ANO3: variants seen among roughly 807,000 people sequenced by gnomAD.
The protein encoded by ANO3 is anoctamin-3.
Under a neutral mutation model 144.8 loss-of-function variants are expected in ANO3, and 99 were observed. The ratio of observed to expected loss-of-function variants is 0.68; its 90% confidence interval spans 0.58 to 0.81. The LOEUF (loss-of-function observed/expected upper bound fraction) is 0.81. Ranked by LOEUF, ANO3 falls within the 30% of genes least tolerant of loss-of-function variation. ANO3 has a pLI of 0.00. For synonymous variants in ANO3, 414 were observed against 392.6 expected (o/e 1.05, Z -0.64); for missense variants, 905 against 1,202.2 (o/e 0.75, Z 3.66).
At chr11:26,654,142 A>G (rs940531165) in intron 24 of ANO3, among the ~76,000 whole-genome samples, 1 of 152,178 alleles carries the variant, frequency 6.6e-6, no homozygotes, top group Non-Finnish European at 1.5e-5. Flanking sequence ...TTGCTAATAT[A>G]GATTCTTTAC....
Position 26,531,234 on chromosome 11 carries a change from A to C in ANO3, c.767A>C (p.Asn256Thr), listed in dbSNP as rs774950939. Reference protein sequence around the residue: ...RMQTYFRRIKNWMAQNPMVLD... With the variant: ...RMQTYFRRIKTWMAQNPMVLD... ...CAAACTTATTTTAGAAGAATCAAAA[A>C]CTGGATGGCCCAAAACCCAATGGTT... is the stretch of plus-strand genomic sequence containing the variant. The change falls in exon 8 of 27, where the codon AAC (asparagine) becomes ACC (threonine). Residue 256 changes from asparagine (N) to threonine (T), a missense_variant. This residue lies in a region of ANO3 where 71 missense variants were observed against 57.9 expected (regional missense o/e 1.23). Transcript: ENST00000256737. The C allele has an allele frequency of 6.2e-7, 1 of 1,614,054 alleles. No individual in the cohort carries two copies. The highest frequency in any genetic ancestry group is 1.7e-5 in the Admixed American group (1 of 59,988).
chr11:26,277,873 C>A (rs1391833235), intron 1 of ANO3, among the ~76,000 whole-genome samples: 1 of 151,908 alleles, frequency 6.6e-6, no homozygotes, highest in Admixed American at 6.6e-5. Flanking sequence ...AAAAAATACC[C>A]AGTAAAGATA....
At chr11:26,653,976 A>G (rs1423747791) in intron 24 of ANO3, among the ~76,000 whole-genome samples, 1 of 152,126 alleles carries the variant, frequency 6.6e-6, no homozygotes, top group Non-Finnish European at 1.5e-5. Flanking sequence ...AATCAGGTGA[A>G]TGTGTATTTG....
At chr11:26,248,188 A>G (rs1190363105) in intron 1 of ANO3, among the ~76,000 whole-genome samples, 2 of 152,010 alleles carry the variant, frequency 1.3e-5, no homozygotes, top group Non-Finnish European at 1.5e-5. Context: ...AAATACAAAA[A>G]TTAACCAGGT....
At chr11:26,407,076 G>GTATATATATA (rs374806519) in intron 1 of ANO3, among the ~76,000 whole-genome samples, 2 of 101,484 alleles carry the variant, frequency 2.0e-5, no homozygotes, top group African/African-American at 6.4e-5. Flanking sequence ...GTGTGTGTGT[G>GTATATATATA]TATATATATA....
chr11:26,554,126 G>C (rs1850017591), intron 13 of ANO3, among the ~76,000 whole-genome samples: 1 of 151,992 alleles, frequency 6.6e-6, no homozygotes, highest in East Asian at 1.9e-4. Context: ...GCAGCCACCT[G>C]CTTTGTGTCA....
chr11:26,306,047 C>A (rs1854373185), upstream of ANO3, among the ~76,000 whole-genome samples: 2 of 152,092 alleles, frequency 1.3e-5, no homozygotes, highest in Admixed American at 1.3e-4. Flanking sequence ...CAAGCTCCGC[C>A]TCCCAGGTTC....
chr11:26,535,236 G>A (rs969753841), intron 9 of ANO3, among the ~76,000 whole-genome samples: 1 of 152,132 alleles, frequency 6.6e-6, no homozygotes, highest in African/African-American at 2.4e-5. Flanking sequence ...TGAAATAATA[G>A]TTAATTTTAA....
At chr11:26,240,664 T>G (rs1564930343) in intron 1 of ANO3, among the ~76,000 whole-genome samples, 1 of 152,088 alleles carries the variant, frequency 6.6e-6, no homozygotes, top group African/African-American at 2.4e-5. Context: ...TCCCATTTCA[T>G]AAAAAAAATT....
chr11:26,601,057 T>C (rs1851788640), intron 17 of ANO3, among the ~76,000 whole-genome samples: 1 of 152,112 alleles, frequency 6.6e-6, no homozygotes, highest in Non-Finnish European at 1.5e-5. Context: ...CTTTAATTCT[T>C]CCAACAGCTC....
intron 4 of ANO3, among the ~76,000 whole-genome samples, chr11:26,463,846 A>G (rs1355087917): frequency 6.6e-6 from 1 of 151,638 alleles, no homozygotes; most frequent in Non-Finnish European, 1.5e-5. Flanking sequence ...TAACTGATCC[A>G]TATTTCCCTT....
At chr11:26,416,468 C>T (rs1857589029) in intron 1 of ANO3, among the ~76,000 whole-genome samples, 1 of 150,686 alleles carries the variant, frequency 6.6e-6, no homozygotes. Context: ...GGGTCTGTGT[C>T]CAGACTGGAG....
chr11:26,348,306 C>T (rs2133908900), intron 1 of ANO3, among the ~76,000 whole-genome samples: 1 of 152,272 alleles, frequency 6.6e-6, no homozygotes, highest in East Asian at 1.9e-4. Context: ...AAGTAATCTT[C>T]TCATGTGTAT....
intron 1 of ANO3, among the ~76,000 whole-genome samples, chr11:26,203,492 C>G (rs1372813006): frequency 1.3e-5 from 2 of 152,038 alleles, no homozygotes; most frequent in African/African-American, 4.8e-5. Context: ...AACCGATATA[C>G]TGAATTACAC....
At chr11:26,354,590 C>T (rs1855728473) in intron 1 of ANO3, among the ~76,000 whole-genome samples, 1 of 152,152 alleles carries the variant, frequency 6.6e-6, no homozygotes, top group African/African-American at 2.4e-5. Flanking sequence ...CCAGAAGCAG[C>T]CTCTTTAGCT....
chr11:26,405,137 T>G lies in ANO3; in HGVS notation c.47-36781T>G, dbSNP rs552472154. 3.3e-5 allele frequency among the ~76,000 whole-genome samples: 5 copies of G among 151,876 alleles called. No homozygotes were observed. In the South Asian group the frequency reaches 1.0e-3, roughly 31 times the overall value. On this transcript the variant is annotated intron_variant, in intron 1 of 26. Coordinates refer to ENST00000256737, the MANE Select transcript of ANO3 (RefSeq NM_031418.4). ...CTCCTCTTCACACTCTATGGGATTTTTATTCCTTTCATGGGAAAGAATAAT... is the reference window on the plus strand; with the variant it reads ...CTCCTCTTCACACTCTATGGGATTTGTATTCCTTTCATGGGAAAGAATAAT...
At chr11:26,629,465 G>A (rs1433546510) in intron 18 of ANO3, among the ~76,000 whole-genome samples, 1 of 152,020 alleles carries the variant, frequency 6.6e-6, no homozygotes, top group African/African-American at 2.4e-5. Flanking sequence ...AGAATTGAAT[G>A]TACTTACTTC....
intron 14 of ANO3, chr11:26,565,875 A>AT: frequency 6.3e-7 from 1 of 1,579,868 alleles, no homozygotes. Context: ...CTTCTTTGGT[A>AT]TTGGTTTTTT....
intron 1 of ANO3, among the ~76,000 whole-genome samples, chr11:26,235,379 ATGTG>A (rs1250437217): frequency 6.6e-6 from 1 of 152,092 alleles, no homozygotes; most frequent in African/African-American, 2.4e-5. Flanking sequence ...ATGTGTGTGT[ATGTG>A]TGTGTGTTTC....
Sources: gnomAD v4.1 joint callset for allele counts (sites outside exome capture counted in the v4.1 genomes callset) on GRCh38, gnomAD v4.1.1 for gene constraint, gnomAD v4.1.1 regional missense constraint, MANE v1.5 for transcripts, NCBI Gene and HGNC (gene_info 2026-07-23, HGNC 2026-07-21) for gene names.